Variants in KPNA1 observed in about 807,000 individuals in gnomAD.
The protein encoded by KPNA1 is importin subunit alpha-5.
Under a neutral mutation model 70.5 loss-of-function variants are expected in KPNA1, and 10 were observed. That is an observed-to-expected ratio of 0.14 (90% CI 0.09 to 0.24). KPNA1 has a LOEUF of 0.24. Ranked by LOEUF, KPNA1 falls within the 10% of genes least tolerant of loss-of-function variation. The pLI, the probability that KPNA1 is intolerant of heterozygous loss-of-function variation, is 1.00. For synonymous variants in KPNA1, 192 were observed against 221.9 expected (o/e 0.87, Z 1.20); for missense variants, 397 against 637.9 (o/e 0.62, Z 4.07).
chr3:122,503,028 G>A (rs2076847701), intron 1 of KPNA1, among the ~76,000 whole-genome samples: 1 of 152,012 alleles, frequency 6.6e-6, no homozygotes, highest in Non-Finnish European at 1.5e-5. Flanking sequence ...AGCCTGGGAG[G>A]TCAAGGCTGC....
intron 2 of KPNA1, among the ~76,000 whole-genome samples, chr3:122,482,703 T>C (rs1190653098): frequency 6.6e-6 from 1 of 152,014 alleles, no homozygotes; most frequent in East Asian, 1.9e-4. Context: ...ATATTAACAA[T>C]GAACAACTGA....
At chr3:122,464,145 C>T (rs1226904244) in intron 3 of KPNA1, 104 bp from the exon 4 acceptor site, 9 of 516,752 alleles carry the variant, frequency 1.7e-5, no homozygotes, top group African/African-American at 7.8e-5. Flanking sequence ...AATCATACTT[C>T]CCCAGAAGTT....
chr3:122,438,364 TAC>T (rs2076017036), intron 10 of KPNA1, among the ~76,000 whole-genome samples: 1 of 151,740 alleles, frequency 6.6e-6, no homozygotes, highest in South Asian at 2.1e-4. Flanking sequence ...CTTTATAAAC[TAC>T]TCAGTCTTCG....
In KPNA1 at chr3:122,426,582, A is replaced by T. The variant is rs2075825884; in HGVS notation, c.*403T>A. The T allele has an allele frequency of 6.2e-6, 1 of 161,160 alleles. No homozygotes were observed. The highest frequency in any genetic ancestry group is 6.2e-5 in the Admixed American group (1 of 16,116). 10.0% of individuals were successfully genotyped at this position (161,160 alleles called of 1,614,324 possible). ...GTCGTAAGTAGTTGTGTAAAATTCA[A>T]GATAAAGATTTAGTCTCATCTTTTA... On this transcript the variant is annotated 3_prime_UTR_variant, in exon 14 of 14. Coordinates refer to ENST00000344337, the MANE Select transcript of KPNA1 (RefSeq NM_002264.4).
chr3:122,489,050 T>TGCA (rs2076663900), intron 2 of KPNA1, among the ~76,000 whole-genome samples: 2 of 88,792 alleles, frequency 2.3e-5, no homozygotes, highest in African/African-American at 3.8e-5. Context: ...GTGGGTTTTT[T>TGCA]TGCGTGCGTG....
intron 1 of KPNA1, among the ~76,000 whole-genome samples, chr3:122,511,076 C>T (rs890149383): frequency 3.3e-5 from 5 of 152,192 alleles, no homozygotes; most frequent in African/African-American, 1.2e-4. Flanking sequence ...AATCACCTTG[C>T]ACACGTAATC....
intron 2 of KPNA1, among the ~76,000 whole-genome samples, chr3:122,468,815 C>T (rs79080137): frequency 0.012 from 1,842 of 152,232 alleles, 32 homozygotes; most frequent in African/African-American, 0.042. Flanking sequence ...ATGAAGAATG[C>T]CTTTGATCGA....
intron 12 of KPNA1, among the ~76,000 whole-genome samples, chr3:122,431,489 T>A (rs1157232806): frequency 6.6e-6 from 1 of 152,186 alleles, no homozygotes; most frequent in African/African-American, 2.4e-5. Context: ...AATTGTTTCT[T>A]GCATCCAAAT....
chr3:122,489,277 C>CTTTGTTTGTTTTTT (rs1158698637), intron 2 of KPNA1, among the ~76,000 whole-genome samples: 3 of 150,298 alleles, frequency 2.0e-5, no homozygotes, highest in African/African-American at 7.3e-5. Context: ...TACCTTTTTA[C>CTTTGTTTGTTTTTT]TTTGTTTGTT....
chr3:122,464,369 C>CT (rs2076358107), intron 3 of KPNA1: 2 of 183,892 alleles, frequency 1.1e-5, no homozygotes, highest in Non-Finnish European at 2.2e-5. Context: ...TAAAAGATGG[C>CT]TTTTCAAGAC....
rs71329270 is a variant in KPNA1 at position 122,491,473 on chromosome 3, G to T, written c.129+4964C>A. Among the ~76,000 whole-genome samples, 614 of 152,298 alleles carry T rather than the reference G, an allele frequency of 4.0e-3. 3 individuals are homozygous for T. Among genetic ancestry groups the T allele is most frequent in the Non-Finnish European group, 6.9e-3 (470 of 68,014 alleles). ...TGCAGTGATAAAAACTGTAGCGGCC[G>T]TTGGTTAAACAGGTGAAATCAAAGG... On this transcript the variant is annotated intron_variant, in intron 2 of 13. Coordinates refer to ENST00000344337, the MANE Select transcript of KPNA1 (RefSeq NM_002264.4).
intron 2 of KPNA1, among the ~76,000 whole-genome samples, chr3:122,478,586 T>G (rs889506994): frequency 1.3e-5 from 2 of 151,776 alleles, no homozygotes; most frequent in Admixed American, 6.6e-5. Context: ...GCTGGACATG[T>G]TGGCACATGT....
chr3:122,462,467 T>C (rs558248239), intron 4 of KPNA1, among the ~76,000 whole-genome samples: 2 of 152,192 alleles, frequency 1.3e-5, no homozygotes, highest in East Asian at 3.9e-4. Context: ...CCTCTCACCA[T>C]ACCCTACATT....
At chr3:122,473,191 A>T (rs967998085) in intron 2 of KPNA1, among the ~76,000 whole-genome samples, 1 of 152,212 alleles carries the variant, frequency 6.6e-6, no homozygotes, top group African/African-American at 2.4e-5. Flanking sequence ...AAACTCACAC[A>T]AGAAACAATC....
chr3:122,475,244 A>T (rs1052398024), intron 2 of KPNA1, among the ~76,000 whole-genome samples: 2 of 152,330 alleles, frequency 1.3e-5, no homozygotes, highest in East Asian at 3.9e-4. Context: ...TAAGAAAACA[A>T]TCCCATTTAC....
At chr3:122,487,210 G>A (rs1433867913) in intron 2 of KPNA1, among the ~76,000 whole-genome samples, 2 of 152,070 alleles carry the variant, frequency 1.3e-5, no homozygotes, top group African/African-American at 4.8e-5. Context: ...TAAAAAATAG[G>A]CAAAACACCA....
Position 122,426,725 on chromosome 3 carries a change from G to C in KPNA1, c.*260C>G. 2.7e-6 allele frequency: 1 copy of C among 372,736 alleles called. No homozygotes were observed. The highest frequency in any genetic ancestry group is 4.8e-6 in the Non-Finnish European group (1 of 207,230). The allele number at this position is 372,736 out of a possible 1,614,324, so 23.1% of individuals were successfully genotyped here. On this transcript the variant is annotated 3_prime_UTR_variant, in exon 14 of 14. Coordinates refer to ENST00000344337, the MANE Select transcript of KPNA1 (RefSeq NM_002264.4). ...TTCCCATAACTCTAATGTAAGTGCG[G>C]ATCTCCAAAGCCTAGGGATTTTTCC...
At chr3:122,503,082 CA>C (rs893416575) in intron 1 of KPNA1, among the ~76,000 whole-genome samples, 2 of 148,600 alleles carry the variant, frequency 1.3e-5, no homozygotes, top group African/African-American at 4.9e-5. Flanking sequence ...CATCTCAAAA[CA>C]AAAAAAAAGA....
chr3:122,482,704 GAAC>G (rs2076585064), intron 2 of KPNA1, among the ~76,000 whole-genome samples: 1 of 152,070 alleles, frequency 6.6e-6, no homozygotes, highest in African/African-American at 2.4e-5. Context: ...TATTAACAAT[GAAC>G]AACTGAAATC....
Sources: allele counts gnomAD v4.1 joint callset (sites outside exome capture counted in the v4.1 genomes callset), GRCh38; gene constraint gnomAD v4.1.1; transcripts MANE v1.5; gene names NCBI Gene and HGNC (gene_info 2026-07-23, HGNC 2026-07-21).